The following PIGL variants were observed in gnomAD, a reference collection of about 807,000 sequenced individuals.
PIGL encodes the protein phosphatidylinositol glycan anchor biosynthesis class L.
Under a neutral mutation model 31.1 loss-of-function variants are expected in PIGL, and 22 were observed. The observed-to-expected ratio is 0.71, with a 90% CI of 0.51 to 1.01. The LOEUF is 1.01. Ranked by LOEUF, PIGL falls within the 50% of genes least tolerant of loss-of-function variation. PIGL has a pLI of 0.00. For missense variants in PIGL, 302 were observed against 315.9 expected (o/e 0.96, Z 0.33); for synonymous variants, 131 against 117.4 (o/e 1.12, Z -0.75).
chr17:16,232,451 C>A (rs1249915311), intron 1 of PIGL, among the ~76,000 whole-genome samples: 1 of 152,130 alleles, frequency 6.6e-6, no homozygotes, highest in Non-Finnish European at 1.5e-5. Context: ...TGTTAAGTGC[C>A]TACAGGTTCA....
At chr17:16,311,771 T>TGG (rs2093051612) in intron 3 of PIGL, among the ~76,000 whole-genome samples, 2 of 151,850 alleles carry the variant, frequency 1.3e-5, no homozygotes, top group Admixed American at 6.6e-5. Context: ...AGCACAGGGT[T>TGG]GGGGGTAAGG....
chr17:16,227,578 C>CTT (rs57452229), intron 1 of PIGL, among the ~76,000 whole-genome samples: 1,981 of 103,112 alleles, frequency 0.019, 92 homozygotes, highest in East Asian at 0.054. Context: ...ATTTTCTTTT[C>CTT]TTTTTTTTTT....
At chr17:16,263,104 G>A (rs955526508) in intron 2 of PIGL, among the ~76,000 whole-genome samples, 4 of 135,986 alleles carry the variant, frequency 2.9e-5, no homozygotes, top group South Asian at 2.6e-4. Flanking sequence ...GGGGGGGGGG[G>A]ATGAAAATGT....
chr17:16,319,621 G>C (rs1048746317), intron 6 of PIGL, among the ~76,000 whole-genome samples: 5 of 152,192 alleles, frequency 3.3e-5, no homozygotes, highest in East Asian at 3.9e-4. Flanking sequence ...CGGGCGTGGT[G>C]GTGGGCACCT....
intron 2 of PIGL, among the ~76,000 whole-genome samples, chr17:16,289,224 C>G (rs1038179275): frequency 1.3e-5 from 2 of 152,198 alleles, no homozygotes. Flanking sequence ...CACAGCTTGC[C>G]TTTTATCATT....
chr17:16,275,245 G>A (rs998245027), intron 2 of PIGL, among the ~76,000 whole-genome samples: 65 of 152,236 alleles, frequency 4.3e-4, no homozygotes, highest in African/African-American at 1.3e-3. Context: ...ACTTCCTGAC[G>A]TTGCTATGGC....
intron 2 of PIGL, among the ~76,000 whole-genome samples, chr17:16,242,942 T>C (rs2092729287): frequency 6.6e-6 from 1 of 152,126 alleles, no homozygotes; most frequent in Non-Finnish European, 1.5e-5. Flanking sequence ...GTGGATTTCC[T>C]TAATCTATGT....
intron 6 of PIGL, among the ~76,000 whole-genome samples, chr17:16,320,250 G>C (rs796428573): frequency 4.8e-5 from 4 of 82,538 alleles, no homozygotes; most frequent in African/African-American, 1.9e-4. Flanking sequence ...AGGAAGGAAG[G>C]AAAGGAGGGA....
At chr17:16,235,783 A>T (rs1159539327) in intron 2 of PIGL, among the ~76,000 whole-genome samples, 2 of 147,948 alleles carry the variant, frequency 1.4e-5, no homozygotes, top group Non-Finnish European at 3.0e-5. Flanking sequence ...CACACGGCAA[A>T]TCAGATTTGG....
chr17:16,224,062 A>G (rs756085748), intron 1 of PIGL, among the ~76,000 whole-genome samples: 2 of 151,858 alleles, frequency 1.3e-5, no homozygotes, highest in African/African-American at 2.4e-5. Flanking sequence ...TAAAAATACA[A>G]AAATTAGCTG....
intron 6 of PIGL, among the ~76,000 whole-genome samples, chr17:16,318,215 C>G (rs908069870): frequency 6.6e-6 from 1 of 151,750 alleles, no homozygotes; most frequent in Non-Finnish European, 1.5e-5. Flanking sequence ...GAACAATTAC[C>G]TGCAGTCCCA....
At chr17:16,318,048 G>A (rs2093086069) in intron 6 of PIGL, 140 bp downstream of exon 6, 1 of 644,320 alleles carries the variant, frequency 1.6e-6, no homozygotes, top group Non-Finnish European at 2.7e-6. Context: ...ATTAGGGCTA[G>A]GCCAGCTAGA....
intron 2 of PIGL, among the ~76,000 whole-genome samples, chr17:16,297,409 A>G (rs2092987078): frequency 6.6e-6 from 1 of 152,354 alleles, no homozygotes; most frequent in African/African-American, 2.4e-5. Context: ...CCTCAGAACA[A>G]CAGAGAATTA....
chr17:16,220,216 TCCAC>T (rs2092620327), intron 1 of PIGL, among the ~76,000 whole-genome samples: 1 of 151,746 alleles, frequency 6.6e-6, no homozygotes, highest in African/African-American at 2.4e-5. Flanking sequence ...GCTGTGGTGG[TCCAC>T]GCCTGTAGTC....
At chr17:16,302,691 C>G (rs1280524349) in intron 3 of PIGL, among the ~76,000 whole-genome samples, 1 of 152,110 alleles carries the variant, frequency 6.6e-6, no homozygotes, top group African/African-American at 2.4e-5. Context: ...CATCCAACTC[C>G]CTGGTTCAAG....
intron 6 of PIGL, among the ~76,000 whole-genome samples, chr17:16,318,433 C>G (rs1439075946): frequency 1.3e-5 from 2 of 151,872 alleles, no homozygotes; most frequent in African/African-American, 4.8e-5. Flanking sequence ...CCACACCCGG[C>G]TAATTTTTTG....
chr17:16,319,969 C>T (rs1052890988), intron 6 of PIGL, among the ~76,000 whole-genome samples: 2 of 151,552 alleles, frequency 1.3e-5, no homozygotes, highest in African/African-American at 2.4e-5. Context: ...AAGCCCCCCA[C>T]AGAGAGATGG....
In PIGL at chr17:16,319,400, T is replaced by C. The variant is rs556403968; in HGVS notation, c.660+1492T>C. Among the ~76,000 whole-genome samples the C allele has an allele frequency of 3.0e-4, 46 of 152,240 alleles. 1 individual carries two copies. The South Asian group carries it at 7.2e-3, about 24-fold the overall frequency. On this transcript the variant is annotated intron_variant, in intron 6 of 6. Transcript: ENST00000225609. ...TTTGCCACTTTATCACTGTTATACA[T>C]GGAGCGATGCTCCCAGCTTGAGTTT...
chr17:16,253,521 T>C (rs2092781443), intron 2 of PIGL, among the ~76,000 whole-genome samples: 1 of 152,234 alleles, frequency 6.6e-6, no homozygotes, highest in Admixed American at 6.5e-5. Context: ...ATTACTTTTT[T>C]AAAAGATTTT....
Sources: gnomAD v4.1 joint callset for allele counts (sites outside exome capture counted in the v4.1 genomes callset) on GRCh38, gnomAD v4.1.1 for gene constraint, MANE v1.5 for transcripts, NCBI Gene and HGNC (gene_info 2026-07-23, HGNC 2026-07-21) for gene names.